CFAP70: variants seen among roughly 807,000 people sequenced by gnomAD.
CFAP70 encodes the protein cilia and flagella associated protein 70.
A neutral mutation model predicts 137.6 loss-of-function variants in CFAP70; 81 were observed. The observed-to-expected ratio is 0.59, with a 90% confidence interval of 0.49 to 0.71. CFAP70 has a LOEUF of 0.71. CFAP70 is among the 30% of genes least tolerant of loss of function. The pLI, the probability that CFAP70 is intolerant of heterozygous loss-of-function variation, is 0.00. For synonymous variants in CFAP70, 382 were observed against 423.6 expected (o/e 0.90, Z 1.20); for missense variants, 976 against 1,226.7 (o/e 0.80, Z 3.05).
At position 73,312,661 on chromosome 10, in the gene CFAP70, A is replaced by G. The variant is rs1457127202; in HGVS notation, c.913-18T>C. ...CATTTGGTCTGAAAAACAAAAAAAC[A>G]AACAAAAAAAAGCAATACATGAGAC... is the stretch of plus-strand genomic sequence containing the variant. On this transcript the variant is annotated intron_variant, in intron 9 of 26. Transcript: ENST00000310715. The G allele has an allele frequency of 1.3e-6, 2 of 1,536,902 alleles. No homozygotes were observed. The highest frequency in any genetic ancestry group is 1.4e-5 in the African/African-American group (1 of 71,234).
chr10:73,256,925 A>G (rs1185103456), intron 25 of CFAP70, among the ~76,000 whole-genome samples: 1 of 149,782 alleles, frequency 6.7e-6, no homozygotes, highest in East Asian at 2.0e-4. Context: ...AAAAAAAAAA[A>G]GGAAAAAAAA....
At chr10:73,341,525 T>A (rs1262779205) in exon 6 of CFAP70, 2 of 1,614,038 alleles carry the variant, frequency 1.2e-6, no homozygotes, top group Non-Finnish European at 1.7e-6. Context: ...GGGGAACAGG[T>A]TCCCTTTCCC....
intron 13 of CFAP70, 99 bp from the exon 15 acceptor site, chr10:73,299,200 AT>A: frequency 1.2e-6 from 1 of 864,682 alleles, no homozygotes; most frequent in Admixed American, 2.8e-5. Context: ...ATGATACTTT[AT>A]TAGTTTGTTT....
chr10:73,339,856 T>A (rs1046602055), intron 6 of CFAP70, among the ~76,000 whole-genome samples: 2 of 152,204 alleles, frequency 1.3e-5, no homozygotes, highest in African/African-American at 4.8e-5. Flanking sequence ...GGTCTGGGCT[T>A]CCCGAAGCAC....
chr10:73,324,502 T>C (rs1182756068), intron 8 of CFAP70, among the ~76,000 whole-genome samples: 5 of 151,924 alleles, frequency 3.3e-5, no homozygotes, highest in African/African-American at 1.2e-4. Context: ...CTTTGACGAG[T>C]TGAGAGAAGA....
At chr10:73,347,691 A>G (rs1325612067) in intron 4 of CFAP70, among the ~76,000 whole-genome samples, 3 of 152,220 alleles carry the variant, frequency 2.0e-5, no homozygotes, top group African/African-American at 7.2e-5. Context: ...TTATAGAGGT[A>G]TACAGTAGGT....
At chr10:73,333,890 T>C (rs530505035) in intron 7 of CFAP70, among the ~76,000 whole-genome samples, 3 of 152,184 alleles carry the variant, frequency 2.0e-5, no homozygotes, top group Non-Finnish European at 4.4e-5. Flanking sequence ...TGATAACTAT[T>C]TGTTCAAGGT....
At chr10:73,351,069 G>GTATATATATATATATATA (rs1367174993) in intron 3 of CFAP70, among the ~76,000 whole-genome samples, 1 of 50,558 alleles carries the variant, frequency 2.0e-5, no homozygotes, top group Non-Finnish European at 3.5e-5. Context: ...GTGTGTGTGT[G>GTATATATATATATATATA]TGTATATATA....
At chr10:73,282,776 A>G (rs1195165403) in intron 19 of CFAP70, among the ~76,000 whole-genome samples, 1 of 148,032 alleles carries the variant, frequency 6.8e-6, no homozygotes, top group Non-Finnish European at 1.5e-5. Context: ...TTAGAGGAAT[A>G]TTTAGATATG....
At chr10:73,274,717 TCAAC>T (rs2046566317) in intron 22 of CFAP70, 123 bp from the exon 24 acceptor site, 1 of 935,358 alleles carries the variant, frequency 1.1e-6, no homozygotes, top group East Asian at 2.9e-5. Context: ...CTTTTTCAGA[TCAAC>T]CGTTTTCTTT....
chr10:73,295,904 A>G (rs2048515563), intron 15 of CFAP70: 3 of 152,194 alleles, frequency 2.0e-5, no homozygotes, highest in Middle Eastern at 3.2e-3. Flanking sequence ...GCAAAACCCC[A>G]CTAGAGCCTA....
chr10:73,355,142 T>C (rs1372240586), intron 1 of CFAP70, among the ~76,000 whole-genome samples: 1 of 152,114 alleles, frequency 6.6e-6, no homozygotes, highest in Non-Finnish European at 1.5e-5. Flanking sequence ...CCCCGAACCA[T>C]GAACCAGTAC....
chr10:73,273,860 A>C (rs951049611), intron 23 of CFAP70, among the ~76,000 whole-genome samples: 6 of 152,214 alleles, frequency 3.9e-5, no homozygotes, highest in Non-Finnish European at 5.9e-5. Context: ...GAATGTTGAT[A>C]ATTGTTATAG....
chr10:73,278,243 A>G, exon 20 of CFAP70: 2 of 1,614,022 alleles, frequency 1.2e-6, no homozygotes, highest in Admixed American at 1.7e-5. Context: ...TTGGATCCCA[A>G]GTTTGTGTAG....
At chr10:73,283,784 T>C (rs931569319) in intron 19 of CFAP70, among the ~76,000 whole-genome samples, 2 of 152,156 alleles carry the variant, frequency 1.3e-5, no homozygotes, top group African/African-American at 4.8e-5. Flanking sequence ...CTCAAACTCC[T>C]GGCCTCAAGC....
chr10:73,284,789 T>A (rs1457710372), intron 19 of CFAP70, among the ~76,000 whole-genome samples: 20 of 85,364 alleles, frequency 2.3e-4, no homozygotes, highest in African/African-American at 1.0e-3. Context: ...TATATATATA[T>A]ATATATATAT....
At chr10:73,270,472 TCTTTTCTTTTC>T (rs764253706) in intron 24 of CFAP70, among the ~76,000 whole-genome samples, 65 of 68,922 alleles carry the variant, frequency 9.4e-4, no homozygotes, top group Non-Finnish European at 1.3e-3. Flanking sequence ...TTTTCTTTTC[TCTTTTCTTTTC>T]CTTTTCTTTT....
intron 7 of CFAP70, among the ~76,000 whole-genome samples, chr10:73,332,927 C>T (rs1375733505): frequency 6.6e-6 from 1 of 152,068 alleles, no homozygotes; most frequent in Non-Finnish European, 1.5e-5. Flanking sequence ...GACAAAGCTA[C>T]TATAAGACCT....
chr10:73,335,060 CTTTTTTTTTT>C (rs547226854), intron 7 of CFAP70, among the ~76,000 whole-genome samples: 3 of 118,352 alleles, frequency 2.5e-5, no homozygotes, highest in African/African-American at 1.0e-4. Flanking sequence ...TCTTCTTCTT[CTTTTTTTTTT>C]TTTTTTTTTT....
Sources: allele counts gnomAD v4.1 joint callset (sites outside exome capture counted in the v4.1 genomes callset), GRCh38; gene constraint gnomAD v4.1.1; transcripts MANE v1.5; gene names NCBI Gene and HGNC (gene_info 2026-07-23, HGNC 2026-07-21).